Variants in SLC22A2 observed in about 807,000 individuals in gnomAD.
The protein encoded by SLC22A2 is solute carrier family 22 member 2.
A neutral mutation model predicts 60.5 loss-of-function variants in SLC22A2; 46 were observed. The observed-to-expected ratio is 0.76, with a 90% CI of 0.60 to 0.97. The LOEUF (loss-of-function observed/expected upper bound fraction) is 0.97, where lower values mean the gene tolerates loss of function less well. Ranked by LOEUF, SLC22A2 falls within the 50% of genes least tolerant of loss-of-function variation. The pLI is 0.00. For synonymous variants in SLC22A2, 303 were observed against 267.0 expected (o/e 1.13, Z -1.31); for missense variants, 701 against 706.6 (o/e 0.99, Z 0.09).
chr6:160,218,589 C>A (rs1473297083), intron 10 of SLC22A2, among the ~76,000 whole-genome samples: 2 of 140,940 alleles, frequency 1.4e-5, no homozygotes, highest in Admixed American at 7.2e-5. Context: ...GCAATAGCAA[C>A]AATAGGATCC....
At chr6:160,228,004 T>C (rs986081988) in intron 9 of SLC22A2, among the ~76,000 whole-genome samples, 3 of 152,268 alleles carry the variant, frequency 2.0e-5, no homozygotes, top group African/African-American at 7.2e-5. Context: ...ACCCACCTTT[T>C]GTTTAGCATA....
At chr6:160,247,117 T>C (rs1583399215) in intron 5 of SLC22A2, 67 bp downstream of exon 5, 2 of 918,440 alleles carry the variant, frequency 2.2e-6, no homozygotes, top group East Asian at 4.8e-5. Context: ...ATCACTGGCA[T>C]GCATGAATCT....
intron 2 of SLC22A2, among the ~76,000 whole-genome samples, chr6:160,254,932 G>C (rs1293839549): frequency 6.6e-6 from 1 of 152,216 alleles, no homozygotes; most frequent in Non-Finnish European, 1.5e-5. Flanking sequence ...CTGAGCAAGG[G>C]TTAAAGATTG....
chr6:160,247,499 A>G (rs1783114792), intron 4 of SLC22A2, among the ~76,000 whole-genome samples: 1 of 152,240 alleles, frequency 6.6e-6, no homozygotes, highest in African/African-American at 2.4e-5. Flanking sequence ...GAAACACAGG[A>G]AGCAAGCTGC....
At position 160,249,179 on chromosome 6, in the gene SLC22A2, CTTTGA is replaced by C. The variant is rs774264414; in HGVS notation, c.842+32_842+36del. The C allele has an allele frequency of 7.6e-6, 11 of 1,441,370 alleles. No homozygotes were observed. In the East Asian group the frequency reaches 1.8e-4, roughly 24 times the overall value. The allele number at this position is 1,441,370 out of a possible 1,614,324, so 89.3% of individuals were successfully genotyped here. On this transcript the variant is annotated intron_variant, in intron 4 of 10. Transcript: ENST00000366953. Reference sequence around the variant, plus strand: ...GCAGACTTCTTAGCAGAATAAAATACTTTGATTTATTTCCTTTTTATTCCAAATGG... The same window carrying C: ...GCAGACTTCTTAGCAGAATAAAATACTTTATTTCCTTTTTATTCCAAATGG...
At chr6:160,224,946 T>C in intron 9 of SLC22A2, 142 bp from the exon 10 acceptor site, 4 of 468,828 alleles carry the variant, frequency 8.5e-6, no homozygotes, top group Non-Finnish European at 1.5e-5. Context: ...CTCTGACTGC[T>C]GTATTTTCCA....
intron 9 of SLC22A2, among the ~76,000 whole-genome samples, chr6:160,230,417 C>A (rs1001645323): frequency 2.0e-4 from 31 of 151,928 alleles, no homozygotes; most frequent in Admixed American, 2.6e-4. Context: ...GTCCATGGCC[C>A]TTTTGGCAGC....
chr6:160,224,746 T>A lies in SLC22A2; in HGVS notation c.1560A>T (p.Lys520Asn). The change falls in exon 10 of 11, where the codon AAA becomes AAT. Residue 520 changes from lysine to asparagine, a missense_variant. By Grantham distance (94) the Lys-to-Asn change is moderately conservative (BLOSUM62 0). Coordinates refer to ENST00000366953, the MANE Select transcript of SLC22A2 (RefSeq NM_003058.4). The stretch of plus-strand genomic sequence containing the variant: ...CTTCCTCGATGGTCTCAGGCAAAGC[T>A]TTCCCTTTAGTTTCTGGAAGCAACA... ...LVLLLPETKG[K>N]ALPETIEEAE... is the part of the protein sequence containing the mutation. The A allele has an allele frequency of 6.2e-7, 1 of 1,607,002 alleles. No individual in the cohort carries two copies. Among genetic ancestry groups the A allele is most frequent in the Non-Finnish European group, 8.5e-7 (1 of 1,175,998 alleles).
At chr6:160,256,477 A>C (rs1215429356) in intron 2 of SLC22A2, 137 bp downstream of exon 2, 1 of 640,884 alleles carries the variant, frequency 1.6e-6, no homozygotes, top group Non-Finnish European at 2.8e-6. Context: ...TAAGATTGTA[A>C]AAACACCAGC....
At chr6:160,231,595 G>C (rs1395791873) in intron 9 of SLC22A2, among the ~76,000 whole-genome samples, 2 of 151,744 alleles carry the variant, frequency 1.3e-5, no homozygotes, top group Non-Finnish European at 2.9e-5. Flanking sequence ...CATCTTACCT[G>C]TCCTAAAACC....
chr6:160,226,202 G>T (rs543370842), intron 9 of SLC22A2, among the ~76,000 whole-genome samples: 1 of 152,124 alleles, frequency 6.6e-6, no homozygotes, highest in Non-Finnish European at 1.5e-5. Flanking sequence ...CTGACTCAGC[G>T]CAAGACAGCT....
chr6:160,222,226 C>T (rs959618663), intron 10 of SLC22A2, among the ~76,000 whole-genome samples: 3 of 152,150 alleles, frequency 2.0e-5, no homozygotes, highest in African/African-American at 7.2e-5. Flanking sequence ...GGAACCATAA[C>T]AATTTAATCA....
At chr6:160,233,805 C>T (rs1417764640) in intron 9 of SLC22A2, among the ~76,000 whole-genome samples, 1 of 151,834 alleles carries the variant, frequency 6.6e-6, no homozygotes, top group Admixed American at 6.6e-5. Flanking sequence ...TCCACTCGAA[C>T]CAGCCCTGAG....
At chr6:160,238,632 G>A (rs1296977512) in intron 9 of SLC22A2, among the ~76,000 whole-genome samples, 1 of 152,098 alleles carries the variant, frequency 6.6e-6, no homozygotes. Flanking sequence ...CCATTATTGT[G>A]TGGAAAAGAA....
At chr6:160,220,224 A>G (rs1352791849) in intron 10 of SLC22A2, among the ~76,000 whole-genome samples, 3 of 152,224 alleles carry the variant, frequency 2.0e-5, no homozygotes, top group African/African-American at 7.2e-5. Flanking sequence ...TGTTCACAGG[A>G]TCTCCACCAG....
At chr6:160,242,441 G>T in intron 7 of SLC22A2, 39 bp from the exon 8 acceptor site, 1 of 1,114,780 alleles carries the variant, frequency 9.0e-7, no homozygotes, top group South Asian at 1.2e-5. Flanking sequence ...GTACACAGAT[G>T]ATTCCTCATC....
At chr6:160,239,861 A>C (rs1203048745) in intron 9 of SLC22A2, among the ~76,000 whole-genome samples, 3 of 152,196 alleles carry the variant, frequency 2.0e-5, no homozygotes. Flanking sequence ...TCTGTTTTGC[A>C]GGTAAGTTCC....
At chr6:160,239,655 C>CT (rs1782966700) in intron 9 of SLC22A2, among the ~76,000 whole-genome samples, 1 of 152,096 alleles carries the variant, frequency 6.6e-6, no homozygotes, top group East Asian at 1.9e-4. Flanking sequence ...TGATGGGTAC[C>CT]TCCTCATGAT....
Position 160,217,194 on chromosome 6 carries a change from A to G in SLC22A2, c.*238T>C, listed in dbSNP as rs969023909. 1 of 376,090 alleles carries G rather than the reference A, an allele frequency of 2.7e-6. No homozygotes were observed. Among genetic ancestry groups the G allele is most frequent in the Non-Finnish European group, 4.7e-6 (1 of 211,904 alleles). 23.3% of individuals were successfully genotyped at this position (376,090 alleles called of 1,614,324 possible). On this transcript the variant is annotated 3_prime_UTR_variant, in exon 11 of 11. Coordinates refer to ENST00000366953, the MANE Select transcript of SLC22A2 (RefSeq NM_003058.4). ...GGAAAAAAAACCCTCCAGAAAACCA[A>G]TGTCCAATGTCCTAGGAATGCTGAG...
Sources: allele counts gnomAD v4.1 joint callset (sites outside exome capture counted in the v4.1 genomes callset), GRCh38; gene constraint gnomAD v4.1.1; transcripts MANE v1.5; gene names NCBI Gene and HGNC (gene_info 2026-07-23, HGNC 2026-07-21).